SUPT3H: variants seen among roughly 807,000 people sequenced by gnomAD.
SUPT3H encodes transcription initiation protein SPT3 homolog.
A neutral mutation model predicts 44.3 loss-of-function variants in SUPT3H; 44 were observed. The observed-to-expected ratio is 0.99, with a 90% confidence interval of 0.78 to 1.28. SUPT3H has a LOEUF of 1.28. SUPT3H is among the 50% of genes most tolerant of loss of function. The probability of loss-of-function intolerance (pLI) is 0.00; values close to 1 mark genes in which losing one functional copy is unlikely to be tolerated. For synonymous variants in SUPT3H, 124 were observed against 125.6 expected (o/e 0.99, Z 0.09); for missense variants, 380 against 387.1 (o/e 0.98, Z 0.15).
At chr6:45,178,487 T>G (rs998327225) in intron 2 of SUPT3H, among the ~76,000 whole-genome samples, 2 of 151,710 alleles carry the variant, frequency 1.3e-5, no homozygotes, top group African/African-American at 4.9e-5. Flanking sequence ...CACCCCACTG[T>G]CAACATTAGA....
At chr6:45,064,215 C>T (rs1480123446) in intron 3 of SUPT3H, among the ~76,000 whole-genome samples, 1 of 140,006 alleles carries the variant, frequency 7.1e-6, no homozygotes, top group East Asian at 2.1e-4. Context: ...AACTAAGCTT[C>T]ATAAGTGAAG....
intron 2 of SUPT3H, among the ~76,000 whole-genome samples, chr6:45,187,496 A>G (rs1472409016): frequency 1.3e-5 from 2 of 151,696 alleles, no homozygotes; most frequent in African/African-American, 2.4e-5. Flanking sequence ...GTGCCATGTA[A>G]AACTCCTATT....
intron 2 of SUPT3H, among the ~76,000 whole-genome samples, chr6:45,348,898 T>G (rs1436528165): frequency 1.3e-5 from 2 of 152,168 alleles, no homozygotes; most frequent in Non-Finnish European, 2.9e-5. Flanking sequence ...TATCTCATAG[T>G]ATCCTGTACA....
intron 2 of SUPT3H, among the ~76,000 whole-genome samples, chr6:45,166,285 C>T (rs1201061498): frequency 6.6e-6 from 1 of 152,030 alleles, no homozygotes; most frequent in Non-Finnish European, 1.5e-5. Context: ...TAGTGAGACT[C>T]TGTCTCAAAA....
chr6:45,058,178 G>A (rs1791435957), intron 3 of SUPT3H, among the ~76,000 whole-genome samples: 1 of 152,132 alleles, frequency 6.6e-6, no homozygotes, highest in Non-Finnish European at 1.5e-5. Context: ...GACAAGAGAT[G>A]AAGCAAGATG....
At chr6:45,188,626 A>G (rs748756752) in intron 2 of SUPT3H, among the ~76,000 whole-genome samples, 7 of 152,180 alleles carry the variant, frequency 4.6e-5, no homozygotes, top group Non-Finnish European at 7.3e-5. Context: ...CTGTTACAAC[A>G]TTTGTAAATC....
rs141680515 is a variant in SUPT3H at position 45,288,531 on chromosome 6, A to ATGTGTGTGTG, written c.101+76660_101+76669dup. Among the ~76,000 whole-genome samples the ATGTGTGTGTG allele has an allele frequency of 4.9e-4, 15 of 30,686 alleles. 1 individual carries two copies. Among genetic ancestry groups the ATGTGTGTGTG allele is most frequent in the East Asian group, 2.2e-3 (1 of 450 alleles). 20.1% of individuals were successfully genotyped at this position (30,686 alleles called of 152,430 possible). A position where few individuals can be genotyped will look rare whatever the true frequency, so the allele number is the denominator to read the frequency against. ...GTATTTACACACAATAAGAGATACA[A>ATGTGTGTGTG]TGTGTGTGTGTGTGTGTATATATAT... is the stretch of plus-strand genomic sequence containing the variant. On this transcript the variant is annotated intron_variant, in intron 2 of 10. Transcript: ENST00000371459.
rs76251882 is a variant in SUPT3H, at chr6:45,247,700, T to C, written c.101+117501A>G. 3.1e-4 allele frequency among the ~76,000 whole-genome samples: 47 copies of C among 152,020 alleles called. 2 individuals carry two copies. In the East Asian group the frequency reaches 8.3e-3, roughly 27 times the overall value. ...CTGGATTCTTTTTCCATTTTTTTTT[T>C]TTTTGTAGACATAGAAACCCAATTC... On this transcript the variant is annotated intron_variant, in intron 2 of 10. Transcript: ENST00000371459.
intron 3 of SUPT3H, among the ~76,000 whole-genome samples, chr6:45,065,865 G>A (rs1203814720): frequency 4.8e-5 from 7 of 145,860 alleles, no homozygotes; most frequent in African/African-American, 1.3e-4. Flanking sequence ...ATTCACAGCC[G>A]AATTCTACCA....
intron 2 of SUPT3H, among the ~76,000 whole-genome samples, chr6:45,292,087 T>C (rs1279575344): frequency 6.6e-6 from 1 of 152,160 alleles, no homozygotes; most frequent in Non-Finnish European, 1.5e-5. Flanking sequence ...TAACAGCAGA[T>C]ACCTAAGCAG....
Position 45,152,514 on chromosome 6 carries a change from C to CA in SUPT3H, c.102-46509dup, listed in dbSNP as rs755066341. 5.3e-5 allele frequency among the ~76,000 whole-genome samples: 8 copies of CA among 152,116 alleles called. No individual in the cohort carries two copies. In the East Asian group the frequency reaches 5.8e-4, roughly 11 times the overall value. On this transcript the variant is annotated intron_variant, in intron 2 of 10. Transcript: ENST00000371459. ...AATCCTTTTATTTTTATTTTTGAGA[C>CA]ACAGTCTCATTCTCTTGCCCAGGCT...
intron 6 of SUPT3H, among the ~76,000 whole-genome samples, chr6:44,975,623 A>G (rs1778218741): frequency 7.7e-6 from 1 of 129,630 alleles, no homozygotes; most frequent in African/African-American, 3.0e-5. Context: ...ACACTTGGGT[A>G]CAGTGTACAC....
chr6:45,008,423 C>T (rs1783012708), intron 5 of SUPT3H, among the ~76,000 whole-genome samples: 1 of 152,122 alleles, frequency 6.6e-6, no homozygotes, highest in Non-Finnish European at 1.5e-5. Context: ...GGTGCAGTCA[C>T]AGCATACTGC....
Position 45,303,689 on chromosome 6 carries a change from A to AG in SUPT3H, c.101+61511_101+61512insC, listed in dbSNP as rs1396907223. 1.7e-3 allele frequency among the ~76,000 whole-genome samples: 256 copies of AG among 149,664 alleles called. 4 individuals are homozygous for AG. Among genetic ancestry groups the AG allele is most frequent in the South Asian group, 6.3e-3 (30 of 4,796 alleles). On this transcript the variant is annotated intron_variant, in intron 2 of 10. Transcript: ENST00000371459. ...CTAGAAGTAAAAAAAAAAAAAAAAA[A>AG]AAAGAAACAAACAAAAAAAGCCAGG...
At position 45,318,044 on chromosome 6, in the gene SUPT3H, G is replaced by T. The variant is rs529256191; in HGVS notation, c.101+47157C>A. The stretch of plus-strand genomic sequence containing the variant: ...CAGGTGATGAGAGCCTCACCCTCAG[G>T]AATAGATTAACACCATTATGAAAAG... On this transcript the variant is annotated intron_variant, in intron 2 of 10. Coordinates refer to ENST00000371459, the MANE Select transcript of SUPT3H (RefSeq NM_003599.4). 3.1e-4 allele frequency among the ~76,000 whole-genome samples: 47 copies of T among 152,190 alleles called. No individual in the cohort carries two copies. In the South Asian group the frequency reaches 6.2e-3, roughly 20 times the overall value.
rs56310184 is a variant in SUPT3H, at chr6:45,005,615, C to T, written c.365-1823G>A. Among the ~76,000 whole-genome samples, 609 of 150,782 alleles carry T rather than the reference C, an allele frequency of 4.0e-3. 8 individuals carry two copies. Among genetic ancestry groups the T allele is most frequent in the African/African-American group, 0.014 (578 of 40,962 alleles). ...ACTCGGGAGGCTGAGGCAGGAGAATCGCTTGAACCCGGGATACAGAGGTTG... is the reference window on the plus strand; with the variant it reads ...ACTCGGGAGGCTGAGGCAGGAGAATTGCTTGAACCCGGGATACAGAGGTTG... On this transcript the variant is annotated intron_variant, in intron 5 of 10. Coordinates refer to ENST00000371459, the MANE Select transcript of SUPT3H (RefSeq NM_003599.4).
chr6:45,344,111 T>C (rs1477009734), intron 2 of SUPT3H, among the ~76,000 whole-genome samples: 1 of 152,190 alleles, frequency 6.6e-6, no homozygotes, highest in Non-Finnish European at 1.5e-5. Context: ...TTCCTTTTAT[T>C]CGGAGAGATA....
At chr6:44,893,350 T>C (rs1763601952) in intron 10 of SUPT3H, among the ~76,000 whole-genome samples, 1 of 152,214 alleles carries the variant, frequency 6.6e-6, no homozygotes, top group South Asian at 2.1e-4. Flanking sequence ...TAGCATTAGC[T>C]ATATCTCCCA....
intron 2 of SUPT3H, among the ~76,000 whole-genome samples, chr6:45,226,680 T>C (rs1767004527): frequency 6.6e-6 from 1 of 152,158 alleles, no homozygotes; most frequent in Non-Finnish European, 1.5e-5. Context: ...TTCAGGCCCA[T>C]GCCACCACAC....
Sources: gnomAD v4.1 joint callset for allele counts (sites outside exome capture counted in the v4.1 genomes callset) on GRCh38, gnomAD v4.1.1 for gene constraint, MANE v1.5 for transcripts, NCBI Gene and HGNC (gene_info 2026-07-23, HGNC 2026-07-21) for gene names.